The following FAT3 variants were observed in gnomAD, a reference collection of about 807,000 sequenced individuals.
FAT3 encodes the protein protocadherin Fat 3.
Under a neutral mutation model 310.2 loss-of-function variants are expected in FAT3, and 95 were observed. The observed-to-expected ratio is 0.31, with a 90% CI of 0.26 to 0.36. The LOEUF (loss-of-function observed/expected upper bound fraction) is 0.36, where lower values mean the gene tolerates loss of function less well. FAT3 is among the 10% of genes least tolerant of loss of function. The pLI, the probability that FAT3 is intolerant of heterozygous loss-of-function variation, is 1.00. For missense variants in FAT3, 5,408 were observed against 5,715.6 expected (o/e 0.95, Z 1.74); for synonymous variants, 2,314 against 2,192.9 (o/e 1.06, Z -1.54).
chr11:92,230,617 T>C (rs1389943011), intron 1 of FAT3, among the ~76,000 whole-genome samples: 2 of 152,198 alleles, frequency 1.3e-5, no homozygotes, highest in Non-Finnish European at 2.9e-5. Flanking sequence ...TTTAAAAAAA[T>C]TATTTTAAAG....
chr11:92,797,371 T>C (rs2136175193), intron 9 of FAT3, among the ~76,000 whole-genome samples: 1 of 152,316 alleles, frequency 6.6e-6, no homozygotes, highest in Admixed American at 6.5e-5. Flanking sequence ...TTTATAATGC[T>C]CTGAAACTAT....
intron 1 of FAT3, among the ~76,000 whole-genome samples, chr11:92,258,331 A>G (rs1865394824): frequency 6.6e-6 from 1 of 152,132 alleles, no homozygotes. Flanking sequence ...GACAGGAGAA[A>G]CTAAAGCACT....
intron 2 of FAT3, among the ~76,000 whole-genome samples, chr11:92,425,458 T>C (rs1035174101): frequency 1.3e-5 from 2 of 152,118 alleles, no homozygotes; most frequent in African/African-American, 4.8e-5. Flanking sequence ...TACATAGGTA[T>C]ACATGTGCCG....
intron 21 of FAT3, among the ~76,000 whole-genome samples, chr11:92,863,223 A>G (rs1949162625): frequency 6.6e-6 from 1 of 152,156 alleles, no homozygotes; most frequent in Non-Finnish European, 1.5e-5. Flanking sequence ...GACTACAGGC[A>G]CATGCTACTG....
chr11:92,448,318 A>C (rs373120288), intron 2 of FAT3, among the ~76,000 whole-genome samples: 1 of 152,044 alleles, frequency 6.6e-6, no homozygotes, highest in Non-Finnish European at 1.5e-5. Context: ...TCATGATTGC[A>C]TCTGAACTTA....
At chr11:92,247,436 C>T (rs373697781) in intron 1 of FAT3, among the ~76,000 whole-genome samples, 24 of 151,872 alleles carry the variant, frequency 1.6e-4, no homozygotes, top group East Asian at 5.9e-4. Context: ...AGTAATTCAC[C>T]GCACGTTTTC....
chr11:92,350,160 G>A (rs1425468223), intron 1 of FAT3, among the ~76,000 whole-genome samples: 1 of 152,004 alleles, frequency 6.6e-6, no homozygotes, highest in African/African-American at 2.4e-5. Flanking sequence ...AAGGAGAGGG[G>A]AGAAAGGAGG....
intron 12 of FAT3, among the ~76,000 whole-genome samples, chr11:92,809,460 T>C (rs1019824549): frequency 1.3e-5 from 2 of 152,214 alleles, no homozygotes; most frequent in African/African-American, 2.4e-5. Context: ...GAACCAGATA[T>C]ACCAGTCCAT....
chr11:92,354,941 G>A lies in FAT3; in HGVS notation c.2829G>A (p.Val943=). ...CTTTCATTCCCAGTAGCTATAGTGT[G>A]AAGGTTCTTGAAGATCTCCCTGTTG... ...SPAFIPSSYS[V]KVLEDLPVGT... The change falls in exon 2 of 28, where the codon GTG becomes GTA. Residue 943 remains valine (V), a synonymous_variant. Transcript: ENST00000525166. 2 of 1,613,926 alleles carry A rather than the reference G, an allele frequency of 1.2e-6. No individual in the cohort carries two copies. The highest frequency in any genetic ancestry group is 2.2e-5 in the South Asian group (2 of 91,080).
At chr11:92,599,334 T>G (rs1356880005) in intron 3 of FAT3, among the ~76,000 whole-genome samples, 1 of 151,920 alleles carries the variant, frequency 6.6e-6, no homozygotes, top group Non-Finnish European at 1.5e-5. Flanking sequence ...AAGTGGGGGG[T>G]GGGGGAACCC....
At chr11:92,402,386 CTTTG>C (rs1950035278) in intron 2 of FAT3, among the ~76,000 whole-genome samples, 1 of 152,020 alleles carries the variant, frequency 6.6e-6, no homozygotes, top group Non-Finnish European at 1.5e-5. Context: ...CAGGGTGAGT[CTTTG>C]TTTATTTTCT....
At chr11:92,457,172 C>A (rs767642290) in intron 2 of FAT3, among the ~76,000 whole-genome samples, 3 of 152,152 alleles carry the variant, frequency 2.0e-5, no homozygotes, top group Non-Finnish European at 4.4e-5. Flanking sequence ...AACACCAGTC[C>A]CCTAAGCCTC....
intron 11 of FAT3, among the ~76,000 whole-genome samples, chr11:92,805,896 C>T (rs1232127907): frequency 6.6e-6 from 1 of 152,208 alleles, no homozygotes; most frequent in Non-Finnish European, 1.5e-5. Context: ...GACCAAGAGA[C>T]AATATTGGTG....
chr11:92,447,223 G>A (rs565822886), intron 2 of FAT3, among the ~76,000 whole-genome samples: 356 of 8,512 alleles, frequency 0.042, 1 homozygote, highest in Admixed American at 0.075. Context: ...ATATGTGTGC[G>A]TGTGTGTGTG....
intron 2 of FAT3, among the ~76,000 whole-genome samples, chr11:92,450,668 A>G (rs568800857): frequency 1.3e-5 from 2 of 152,318 alleles, no homozygotes; most frequent in East Asian, 3.9e-4. Context: ...ATCAGAAGAT[A>G]TGCTCCAGAA....
chr11:92,651,299 G>A (rs1942371822), intron 3 of FAT3, among the ~76,000 whole-genome samples: 1 of 152,222 alleles, frequency 6.6e-6, no homozygotes. Flanking sequence ...GTGGAATTGT[G>A]AAGATGGCTG....
At position 92,554,787 on chromosome 11, in the gene FAT3, A is replaced by G. The variant is rs1591442616; in HGVS notation, c.3607+29839A>G. 2.6e-5 allele frequency among the ~76,000 whole-genome samples: 4 copies of G among 152,124 alleles called. No individual in the cohort carries two copies. In the South Asian group the frequency reaches 6.2e-4, roughly 24 times the overall value. On this transcript the variant is annotated intron_variant, in intron 3 of 27. Transcript: ENST00000525166. ...TGAAGAACCGTGTGCTATCTGTGTC[A>G]TGGTGCGTTGTTGCCAGTCTCTTTG...
At chr11:92,225,698 C>G (rs1406280216) in intron 1 of FAT3, among the ~76,000 whole-genome samples, 2 of 151,974 alleles carry the variant, frequency 1.3e-5, no homozygotes, top group African/African-American at 4.8e-5. Flanking sequence ...CCTCCACTTT[C>G]GCTAGGAAAG....
At chr11:92,443,224 T>G (rs1200609966) in intron 2 of FAT3, among the ~76,000 whole-genome samples, 1 of 152,174 alleles carries the variant, frequency 6.6e-6, no homozygotes, top group Non-Finnish European at 1.5e-5. Context: ...GGAGGAGAGA[T>G]TCTTCCTAGT....
Sources: gnomAD v4.1 joint callset for allele counts (sites outside exome capture counted in the v4.1 genomes callset) on GRCh38, gnomAD v4.1.1 for gene constraint, MANE v1.5 for transcripts, NCBI Gene and HGNC (gene_info 2026-07-23, HGNC 2026-07-21) for gene names.